Variants in CAMK2B observed in about 807,000 individuals in gnomAD.
CAMK2B encodes the protein calcium/calmodulin-dependent protein kinase type II subunit beta.
Under a neutral mutation model 93.7 loss-of-function variants are expected in CAMK2B, and 27 were observed. That is an observed-to-expected ratio of 0.29 (90% CI 0.21 to 0.40). The LOEUF (loss-of-function observed/expected upper bound fraction) is 0.40, where lower values mean the gene tolerates loss of function less well. CAMK2B is among the 10% of genes least tolerant of loss of function. CAMK2B has a pLI of 1.00. For synonymous variants in CAMK2B, 374 were observed against 358.8 expected, an observed-to-expected ratio of 1.04 and a Z score of -0.48; for missense variants, 568 against 895.8, an observed-to-expected ratio of 0.63 and a Z score of 4.67.
Position 44,271,155 on chromosome 7 carries a change from T to A in CAMK2B, c.161-8091A>T, listed in dbSNP as rs1584447277. On this transcript the variant is annotated intron_variant, in intron 2 of 23. Transcript: ENST00000395749. This position sits in a 1 kb window ranked among gnomAD's most constrained non-coding sequence, Gnocchi z 4.2. ...GCTGGTCTTGAACTCCTGACCTCAG[T>A]TGATCCGCCCACCTCAGCCTCCCAA... Among the ~76,000 whole-genome samples the A allele has an allele frequency of 6.6e-6, 1 of 151,988 alleles. No homozygotes were observed. The highest frequency in any genetic ancestry group is 1.9e-4 in the East Asian group (1 of 5,182).
intron 3 of CAMK2B, among the ~76,000 whole-genome samples, chr7:44,260,739 C>G (rs1282493218): frequency 6.6e-6 from 1 of 152,170 alleles, no homozygotes; most frequent in Non-Finnish European, 1.5e-5. Context: ...GCACCAGGGT[C>G]TGGGGCCCAC....
Position 44,225,972 on chromosome 7 carries a change from C to T in CAMK2B, c.1597+544G>A. ...CTCCTCCCTGGCCGGGGAGGCTGCCCAGCCTGTGCTTCCTGTCCCGCCCGC... is the reference window on the plus strand; with the variant it reads ...CTCCTCCCTGGCCGGGGAGGCTGCCTAGCCTGTGCTTCCTGTCCCGCCCGC... On this transcript the variant is annotated intron_variant, in intron 20 of 23. Transcript: ENST00000395749. This position sits in a 1 kb window ranked among gnomAD's most constrained non-coding sequence, Gnocchi z 5.0. 1 of 1,220,172 alleles carries T rather than the reference C, an allele frequency of 8.2e-7. No homozygotes were observed. Among genetic ancestry groups the T allele is most frequent in the African/African-American group, 1.5e-5 (1 of 64,684 alleles). 75.6% of individuals were successfully genotyped at this position (1,220,172 alleles called of 1,614,324 possible).
intron 2 of CAMK2B, among the ~76,000 whole-genome samples, chr7:44,263,288 T>C (rs2096895738): frequency 6.6e-6 from 1 of 152,202 alleles, no homozygotes; most frequent in African/African-American, 2.4e-5. Flanking sequence ...GAGAGGCCCA[T>C]TCGGGTAGTG....
At chr7:44,235,717 G>C (rs2096619286) in intron 13 of CAMK2B, among the ~76,000 whole-genome samples, 1 of 152,224 alleles carries the variant, frequency 6.6e-6, no homozygotes, top group African/African-American at 2.4e-5. Flanking sequence ...GTACAGCAGG[G>C]TTAGAGAGGC....
At chr7:44,255,588 TC>T (rs994007695) in intron 4 of CAMK2B, among the ~76,000 whole-genome samples, 7 of 152,010 alleles carry the variant, frequency 4.6e-5, no homozygotes, top group Non-Finnish European at 1.0e-4. Flanking sequence ...CTCTTCCCCA[TC>T]CCCCCGCCTG....
chr7:44,310,041 C>G (rs1168670288), intron 1 of CAMK2B, among the ~76,000 whole-genome samples: 1 of 152,258 alleles, frequency 6.6e-6, no homozygotes, highest in Non-Finnish European at 1.5e-5. Flanking sequence ...CTCACCAAGC[C>G]ACGCGCGGAA....
At chr7:44,252,442 G>A (rs1012885188) in intron 5 of CAMK2B, among the ~76,000 whole-genome samples, 2 of 151,564 alleles carry the variant, frequency 1.3e-5, no homozygotes, top group Non-Finnish European at 2.9e-5. Flanking sequence ...GGGAGCATAG[G>A]AGAGGGTGCA....
At chr7:44,238,161 G>A (rs1646465154) in intron 13 of CAMK2B, among the ~76,000 whole-genome samples, 1 of 152,216 alleles carries the variant, frequency 6.6e-6, no homozygotes, top group Non-Finnish European at 1.5e-5. Context: ...TCTCAGCCCT[G>A]CCTCTGCCTT....
intron 1 of CAMK2B, among the ~76,000 whole-genome samples, chr7:44,287,385 T>C (rs575561381): frequency 1.1e-3 from 174 of 152,280 alleles, no homozygotes; most frequent in African/African-American, 3.7e-3. Flanking sequence ...CTCCCCATAA[T>C]GGCTGTCCAC....
chr7:44,296,850 A>G (rs780947168), intron 1 of CAMK2B, among the ~76,000 whole-genome samples: 1 of 151,872 alleles, frequency 6.6e-6, no homozygotes, highest in African/African-American at 2.4e-5. Context: ...AGAAACAAAG[A>G]TGTTCTCAAA....
chr7:44,305,894 T>TGGCC (rs1388643244), intron 1 of CAMK2B, among the ~76,000 whole-genome samples: 3 of 152,178 alleles, frequency 2.0e-5, no homozygotes, highest in Admixed American at 6.5e-5. Context: ...AGCTTGACAT[T>TGGCC]GGCCACGGTG....
chr7:44,245,622 C>G (rs1159921443), intron 6 of CAMK2B, among the ~76,000 whole-genome samples: 2 of 152,180 alleles, frequency 1.3e-5, no homozygotes, highest in Non-Finnish European at 2.9e-5. Context: ...GCCCCCTCCT[C>G]CCAGAGGCGC....
At chr7:44,242,134 T>C (rs1184094998) in intron 10 of CAMK2B, 84 bp downstream of exon 10, 48 of 1,490,110 alleles carry the variant, frequency 3.2e-5, no homozygotes, top group Non-Finnish European at 4.1e-5. Flanking sequence ...AACAGGACCC[T>C]CTTGGGGTCC....
chr7:44,227,982 G>A (rs2096535763), intron 19 of CAMK2B, among the ~76,000 whole-genome samples: 1 of 151,436 alleles, frequency 6.6e-6, no homozygotes, highest in African/African-American at 2.4e-5. Context: ...GGGACAGAGG[G>A]TGCTGCTGCG....
At chr7:44,232,760 C>T (rs1030903191) in intron 16 of CAMK2B, 62 bp downstream of exon 16, 2 of 1,531,400 alleles carry the variant, frequency 1.3e-6, no homozygotes, top group Non-Finnish European at 1.8e-6. Flanking sequence ...CTGCCCCAGA[C>T]CTCTCTCCTG....
At chr7:44,299,987 T>G (rs1185469674) in intron 1 of CAMK2B, among the ~76,000 whole-genome samples, 1 of 151,050 alleles carries the variant, frequency 6.6e-6, no homozygotes, top group Non-Finnish European at 1.5e-5. Flanking sequence ...CTGGAGTAAC[T>G]ATATGTATAT....
intron 1 of CAMK2B, among the ~76,000 whole-genome samples, chr7:44,295,627 C>T (rs1273547849): frequency 6.6e-6 from 1 of 152,226 alleles, no homozygotes. Context: ...CTCCAGGAGC[C>T]CTACCAGATT....
At position 44,231,467 on chromosome 7, in the gene CAMK2B, G is replaced by A. The variant is rs1226851475; in HGVS notation, c.1177-413C>T. On this transcript the variant is annotated intron_variant, in intron 16 of 23. Coordinates refer to ENST00000395749, the MANE Select transcript of CAMK2B (RefSeq NM_001220.5). ...CAAGATGAGCCTGGCAGAGAGACTG[G>A]TATGCTCAGCTGACTCTTTAACAAG... Among the ~76,000 whole-genome samples the A allele has an allele frequency of 2.0e-5, 3 of 152,240 alleles. No homozygotes were observed. In the South Asian group the frequency reaches 6.2e-4, roughly 31 times the overall value.
chr7:44,234,082 G>T (rs1562837957), intron 15 of CAMK2B, among the ~76,000 whole-genome samples: 2 of 152,170 alleles, frequency 1.3e-5, no homozygotes, highest in African/African-American at 4.8e-5. Flanking sequence ...GAACACTCCT[G>T]GAGAGACATC....
Sources: allele counts gnomAD v4.1 joint callset (sites outside exome capture counted in the v4.1 genomes callset), GRCh38; gene constraint gnomAD v4.1.1; non-coding constraint Gnocchi (gnomAD v3.1); transcripts MANE v1.5; gene names NCBI Gene and HGNC (gene_info 2026-07-23, HGNC 2026-07-21).